NPFFR1: variants seen among roughly 807,000 people sequenced by gnomAD.
NPFFR1 encodes neuropeptide FF receptor 1.
NPFFR1 carries 17 observed loss-of-function variants against 12.7 expected under a neutral mutation model. That is an observed-to-expected ratio of 1.34 (90% CI 0.92 to 2.01). The LOEUF (loss-of-function observed/expected upper bound fraction) is 2.01, where lower values mean the gene tolerates loss of function less well. NPFFR1 is among the 30% of genes most tolerant of loss of function. The pLI is 0.00. For missense variants in NPFFR1, 604 were observed against 606.5 expected (o/e 1.00, Z 0.04); for synonymous variants, 296 against 264.5 (o/e 1.12, Z -1.16).
At chr10:70,278,227 A>G (rs1840824566) in intron 1 of NPFFR1, among the ~76,000 whole-genome samples, 1 of 150,560 alleles carries the variant, frequency 6.6e-6, no homozygotes, top group African/African-American at 2.4e-5. Context: ...CCCTCTCCCC[A>G]CGTCCCAGGG....
chr10:70,279,759 C>G (rs999111581), intron 1 of NPFFR1, among the ~76,000 whole-genome samples: 4 of 152,210 alleles, frequency 2.6e-5, no homozygotes, highest in African/African-American at 9.6e-5. Flanking sequence ...CTGCACATGG[C>G]CCTCTTGGCA....
intron 1 of NPFFR1, among the ~76,000 whole-genome samples, chr10:70,283,163 G>T (rs1172804855): frequency 6.6e-6 from 1 of 151,038 alleles, no homozygotes; most frequent in East Asian, 2.0e-4. Context: ...TCTTGTACAT[G>T]CACACACATA....
At chr10:70,281,445 C>T (rs1488727210) in intron 1 of NPFFR1, among the ~76,000 whole-genome samples, 2 of 152,190 alleles carry the variant, frequency 1.3e-5, no homozygotes, top group African/African-American at 4.8e-5. Flanking sequence ...TCTCACTCTC[C>T]TCATTCCCTC....
At chr10:70,274,223 G>A (rs1177595621) in intron 1 of NPFFR1, among the ~76,000 whole-genome samples, 2 of 151,494 alleles carry the variant, frequency 1.3e-5, no homozygotes, top group Admixed American at 1.3e-4. Flanking sequence ...ATGGAAGGAG[G>A]CAGATCACAA....
Position 70,253,231 on chromosome 10 carries a change from C to T in NPFFR1, c.*1726G>A, listed in dbSNP as rs1840528727. The T allele has an allele frequency of 6.6e-6, 1 of 152,236 alleles. No individual in the cohort carries two copies. Among genetic ancestry groups the T allele is most frequent in the Non-Finnish European group, 1.5e-5 (1 of 68,102 alleles). The allele number at this position is 152,236 out of a possible 1,614,324, so 9.4% of individuals were successfully genotyped here. A position where few individuals can be genotyped will look rare whatever the true frequency, so the allele number is the denominator to read the frequency against. ...CAGGGCAAGAACAACTCAGGCTGGA[C>T]ATTACGAGAGTAAACACAATAGATT... On this transcript the variant is annotated 3_prime_UTR_variant, in exon 4 of 4. Transcript: ENST00000277942.
In NPFFR1 at chr10:70,255,576, T is replaced by TA. The variant is rs1296697880; in HGVS notation, c.673dup (p.Tyr225LeufsTer162). ...CACGATGAGCGCCAGCGGCGCCAGG[T>TA]AGATGTGCGAGAAGAGCACAGTGGT... On this transcript the variant is annotated frameshift_variant, in exon 4 of 4. Transcript: ENST00000277942. LOFTEE classifies it low-confidence loss of function (END_TRUNC). This position sits in a 1 kb window ranked among gnomAD's most constrained non-coding sequence, Gnocchi z 4.2. 2 of 1,551,570 alleles carry TA rather than the reference T, an allele frequency of 1.3e-6. No individual in the cohort carries two copies. The highest frequency in any genetic ancestry group is 3.9e-5 in the Admixed American group (2 of 51,054).
intron 1 of NPFFR1, among the ~76,000 whole-genome samples, chr10:70,276,233 G>A (rs1036449204): frequency 5.3e-5 from 8 of 152,164 alleles, no homozygotes; most frequent in Non-Finnish European, 1.2e-4. Context: ...CAGAACCGGG[G>A]TCACTCTGTG....
rs777182156 is a variant in NPFFR1, at chr10:70,255,386, C to T, written c.864G>A (p.Ala288=). ...GCCCGTAGTCGATGAGCAGCAGCAG[C>T]GCCCAGAGCGGCAGCCAGGACAGCG... ...FFTLSWLPLW[A]LLLLIDYGQL... is the part of the protein sequence containing the mutation. The change falls in exon 4 of 4, where the codon GCG becomes GCA. Residue 288 remains alanine, a synonymous_variant. Coordinates refer to ENST00000277942, the MANE Select transcript of NPFFR1 (RefSeq NM_022146.5). The surrounding 1 kb of genome is among the most constrained non-coding windows in gnomAD (Gnocchi z 4.2). 2 of 1,548,620 alleles carry T rather than the reference C, an allele frequency of 1.3e-6. No individual in the cohort carries two copies. Among genetic ancestry groups the T allele is most frequent in the Non-Finnish European group, 1.7e-6 (2 of 1,149,624 alleles).
rs114540940 is a variant in NPFFR1, at chr10:70,264,049, C to T, written c.322+2028G>A. Among the ~76,000 whole-genome samples, 1,431 of 151,270 alleles carry T rather than the reference C, an allele frequency of 9.5e-3. 22 individuals carry two copies. Among genetic ancestry groups the T allele is most frequent in the African/African-American group, 0.033 (1,367 of 41,222 alleles). On this transcript the variant is annotated intron_variant, in intron 2 of 3. Coordinates refer to ENST00000277942, the MANE Select transcript of NPFFR1 (RefSeq NM_022146.5). Reference sequence around the variant, plus strand: ...TGCAGTAAGCCATGATCGTGCACTGCGCTCCAGCCTGGATGACAGAGTGAG... The same window carrying T: ...TGCAGTAAGCCATGATCGTGCACTGTGCTCCAGCCTGGATGACAGAGTGAG...
At chr10:70,269,568 T>A (rs969760207) in intron 1 of NPFFR1, among the ~76,000 whole-genome samples, 6 of 151,014 alleles carry the variant, frequency 4.0e-5, no homozygotes, top group African/African-American at 1.5e-4. Context: ...TGGAGTGCAA[T>A]GGCTTCGATC....
intron 1 of NPFFR1, among the ~76,000 whole-genome samples, chr10:70,273,911 T>C (rs1840774920): frequency 6.6e-6 from 1 of 152,114 alleles, no homozygotes; most frequent in South Asian, 2.1e-4. Flanking sequence ...AGGTTCAGAA[T>C]CCCAGGGTCA....
At position 70,254,854 on chromosome 10, in the gene NPFFR1, G is replaced by C. The variant is rs2136789826; in HGVS notation, c.*103C>G. On this transcript the variant is annotated 3_prime_UTR_variant, in exon 4 of 4. Coordinates refer to ENST00000277942, the MANE Select transcript of NPFFR1 (RefSeq NM_022146.5). The stretch of plus-strand genomic sequence containing the variant: ...ACCACTGCCTGGCTCTGGAGAGGGA[G>C]GGACCACGCATCCTCACCTAACCAC... 1.6e-6 allele frequency: 2 copies of C among 1,254,098 alleles called. No homozygotes were observed. The highest frequency in any genetic ancestry group is 2.0e-6 in the Non-Finnish European group (2 of 979,790). 77.7% of individuals were successfully genotyped at this position (1,254,098 alleles called of 1,614,324 possible).
At chr10:70,259,199 T>C (rs1303704794) in intron 3 of NPFFR1, among the ~76,000 whole-genome samples, 1 of 151,154 alleles carries the variant, frequency 6.6e-6, no homozygotes, top group Non-Finnish European at 1.5e-5. Context: ...GGCACGAGAA[T>C]GGCTTGAACC....
chr10:70,272,244 G>GAAAGAGA lies in NPFFR1; in HGVS notation c.8-5854_8-5853insTCTCTTT, dbSNP rs60571634. Among the ~76,000 whole-genome samples the GAAAGAGA allele has an allele frequency of 4.8e-4, 31 of 64,474 alleles. 1 individual carries two copies. The highest frequency in any genetic ancestry group is 2.0e-3 in the African/African-American group (30 of 15,188). 42.3% of individuals were successfully genotyped at this position (64,474 alleles called of 152,430 possible). A position where few individuals can be genotyped will look rare whatever the true frequency, so the allele number is the denominator to read the frequency against. Reference sequence around the variant, plus strand: ...AGAAAGAAAGAAAGAAAGAAAGAAAGAAGAAAGAAGAAAGAAAATAATAGA... The same window carrying GAAAGAGA: ...AGAAAGAAAGAAAGAAAGAAAGAAAGAAAGAGAAAGAAAGAAGAAAGAAAATAATAGA... On this transcript the variant is annotated intron_variant, in intron 1 of 3. Transcript: ENST00000277942.
Position 70,250,660 on chromosome 10 carries a change from G to T in NPFFR1, c.*4297C>A, listed in dbSNP as rs1352951249. The T allele has an allele frequency of 6.6e-6, 1 of 152,192 alleles. No homozygotes were observed. The highest frequency in any genetic ancestry group is 1.5e-5 in the Non-Finnish European group (1 of 68,038). The allele number at this position is 152,192 out of a possible 1,614,324, so 9.4% of individuals were successfully genotyped here. A position where few individuals can be genotyped will look rare whatever the true frequency, so the allele number is the denominator to read the frequency against. ...AACCAGACTCGGCTGCAAACTGTCT[G>T]ATTCCATCTACATGACATTCTGAAA... On this transcript the variant is annotated 3_prime_UTR_variant, in exon 4 of 4. Coordinates refer to ENST00000277942, the MANE Select transcript of NPFFR1 (RefSeq NM_022146.5).
Position 70,255,110 on chromosome 10 carries a change from G to T in NPFFR1, c.1140C>A (p.Asp380Glu). ...RRVFVVVRPS[D>E]SGLPSESGPS... ...GGCCCGACTCAGAGGGCAGCCCGGA[G>T]TCGCTGGGCCGCACCACCACGAAGA... The change falls in exon 4 of 4, where the codon GAC (aspartate) becomes GAA (glutamate). Residue 380 changes from aspartate to glutamate, a missense_variant. By Grantham distance (45) the Asp-to-Glu change is conservative. Transcript: ENST00000277942. The surrounding 1 kb of genome is among the most constrained non-coding windows in gnomAD (Gnocchi z 4.2). 6.7e-7 allele frequency: 1 copy of T among 1,492,180 alleles called. No homozygotes were observed. 92.4% of individuals were successfully genotyped at this position (1,492,180 alleles called of 1,614,324 possible). A position where few individuals can be genotyped will look rare whatever the true frequency, so the allele number is the denominator to read the frequency against.
At chr10:70,268,952 T>C (rs1036366116) in intron 1 of NPFFR1, among the ~76,000 whole-genome samples, 5 of 152,202 alleles carry the variant, frequency 3.3e-5, no homozygotes, top group Non-Finnish European at 4.4e-5. Flanking sequence ...CATCCCCATA[T>C]TGCATTTGGT....
chr10:70,277,981 C>T, intron 1 of NPFFR1: 1 of 519,800 alleles, frequency 1.9e-6, no homozygotes, highest in South Asian at 1.4e-5. Flanking sequence ...TTGTTTTAAT[C>T]CAGCCACCCA....
At chr10:70,276,384 T>G (rs751464104) in intron 1 of NPFFR1, among the ~76,000 whole-genome samples, 4 of 152,294 alleles carry the variant, frequency 2.6e-5, no homozygotes, top group Middle Eastern at 3.4e-3. Flanking sequence ...TTAGGAAATA[T>G]TCTGATAAAC....
Sources: allele counts gnomAD v4.1 joint callset (sites outside exome capture counted in the v4.1 genomes callset), GRCh38; gene constraint gnomAD v4.1.1; non-coding constraint Gnocchi (gnomAD v3.1); transcripts MANE v1.5; gene names NCBI Gene and HGNC (gene_info 2026-07-23, HGNC 2026-07-21).